PUM1: variants seen among roughly 807,000 people sequenced by gnomAD.
PUM1 encodes pumilio RNA binding family member 1.
Under a neutral mutation model 131.8 loss-of-function variants are expected in PUM1, and 13 were observed. The observed-to-expected ratio is 0.10, with a 90% confidence interval of 0.06 to 0.16. PUM1 has a LOEUF of 0.16. PUM1 is among the 10% of genes least tolerant of loss of function. The pLI is 1.00. For missense variants in PUM1, 961 were observed against 1,512.4 expected, an observed-to-expected ratio of 0.64 and a Z score of 6.05; for synonymous variants, 509 against 556.5, an observed-to-expected ratio of 0.91 and a Z score of 1.20.
At chr1:30,952,401 A>C (rs764289096) in intron 15 of PUM1, 38 bp from the exon 16 acceptor site, 1 of 1,613,084 alleles carries the variant, frequency 6.2e-7, no homozygotes, top group South Asian at 1.1e-5. Context: ...ACAGCACTGA[A>C]GGAAGACCTG....
chr1:31,058,752 C>G (rs1644306805), intron 2 of PUM1, among the ~76,000 whole-genome samples: 1 of 151,824 alleles, frequency 6.6e-6, no homozygotes, highest in African/African-American at 2.4e-5. Context: ...GGGCAGATCA[C>G]TTGAGGTCAG....
chr1:30,955,209 A>C (rs1640104958), intron 14 of PUM1, among the ~76,000 whole-genome samples: 1 of 151,600 alleles, frequency 6.6e-6, no homozygotes, highest in South Asian at 2.1e-4. Flanking sequence ...TAATCCTGAC[A>C]CTTTGGGAGG....
At chr1:31,056,754 G>A (rs932043152) in intron 2 of PUM1, among the ~76,000 whole-genome samples, 8 of 149,492 alleles carry the variant, frequency 5.4e-5, no homozygotes, top group African/African-American at 2.0e-4. Context: ...AGGCTCCCAA[G>A]CAGCTGGAAA....
intron 3 of PUM1, among the ~76,000 whole-genome samples, chr1:31,015,118 A>ATTC (rs1310493384): frequency 7.2e-5 from 11 of 152,204 alleles, no homozygotes; most frequent in African/African-American, 2.7e-4. Flanking sequence ...CTCCTCATGC[A>ATTC]TTCTTCCCTT....
At chr1:31,040,429 G>A (rs1399872109) in intron 2 of PUM1, among the ~76,000 whole-genome samples, 2 of 152,188 alleles carry the variant, frequency 1.3e-5, no homozygotes, top group Non-Finnish European at 2.9e-5. Flanking sequence ...CTTGAAAGAT[G>A]AGGAAAAGGC....
Position 30,955,501 on chromosome 1 carries a change from A to C in PUM1, c.2324-1520T>G, listed in dbSNP as rs113344501. ...AAACCAAACCAAAACAAAACAAAAC[A>C]AAAAACAGTTCTTATTTTATTTCAT... On this transcript the variant is annotated intron_variant, in intron 14 of 21. Transcript: ENST00000426105. Among the ~76,000 whole-genome samples the C allele has an allele frequency of 2.5e-3, 382 of 151,978 alleles. 1 individual carries two copies. The highest frequency in any genetic ancestry group is 3.1e-3 in the Non-Finnish European group (213 of 67,986).
rs548664516 is a variant in PUM1 at position 31,065,713 on chromosome 1, C to T, written c.-109G>A. 8 of 1,548,676 alleles carry T rather than the reference C, an allele frequency of 5.2e-6. No individual in the cohort carries two copies. In the Admixed American group the frequency reaches 7.9e-5, roughly 15 times the overall value. On this transcript the variant is annotated 5_prime_UTR_variant, in exon 1 of 22. Coordinates refer to ENST00000426105, the MANE Select transcript of PUM1 (RefSeq NM_001020658.2). The stretch of plus-strand genomic sequence containing the variant: ...CCTTTCACTCCGACAACATGGCGGC[C>T]CACTGGGGACTGGGTTGGCGCGGTG...
At position 31,055,542 on chromosome 1, in the gene PUM1, C is replaced by T. The variant is rs551358613; in HGVS notation, c.363+3662G>A. 5.9e-5 allele frequency among the ~76,000 whole-genome samples: 9 copies of T among 152,282 alleles called. No homozygotes were observed. In the East Asian group the frequency reaches 1.3e-3, roughly 23 times the overall value. On this transcript the variant is annotated intron_variant, in intron 2 of 21. Coordinates refer to ENST00000426105, the MANE Select transcript of PUM1 (RefSeq NM_001020658.2). The stretch of plus-strand genomic sequence containing the variant: ...ATACCAACTACCCTGAGTTCCCCAA[C>T]GTTGTTCATTATTTCATGCGTCCAG...
intron 3 of PUM1, among the ~76,000 whole-genome samples, chr1:31,012,053 A>G (rs1165260968): frequency 6.6e-6 from 1 of 152,192 alleles, no homozygotes; most frequent in Non-Finnish European, 1.5e-5. Flanking sequence ...GTTAGATAGT[A>G]GCTTAATTAC....
chr1:30,976,865 C>T (rs1256059282), intron 9 of PUM1, among the ~76,000 whole-genome samples: 2 of 150,818 alleles, frequency 1.3e-5, no homozygotes, highest in Non-Finnish European at 2.9e-5. Context: ...GAGCCTCATA[C>T]TCATTTGATT....
intron 3 of PUM1, among the ~76,000 whole-genome samples, chr1:31,022,052 G>T (rs1017155305): frequency 1.4e-5 from 2 of 146,306 alleles, no homozygotes; most frequent in Admixed American, 6.9e-5. Context: ...TCAATATTTT[G>T]TAGCTATTAT....
chr1:30,964,712 G>A lies in PUM1; in HGVS notation c.2285C>T (p.Ser762Phe). 6.3e-7 allele frequency: 1 copy of A among 1,597,118 alleles called. No homozygotes were observed. The highest frequency in any genetic ancestry group is 8.6e-7 in the Non-Finnish European group (1 of 1,164,660). The change falls in exon 14 of 22, where the codon TCC becomes TTC. Residue 762 changes from serine (S) to phenylalanine (F), a missense_variant. By Grantham distance (155) the Ser-to-Phe change is radical. Around this residue, in one of 4 missense-constraint regions of PUM1, gnomAD observed 117 missense variants for 200.7 expected, o/e 0.58. Coordinates refer to ENST00000426105, the MANE Select transcript of PUM1 (RefSeq NM_001020658.2). ...TGAAGAGGATCCATGTGAAGAGAGGGAAGGAGGTGGTGTCTGTGAATGTCC... is the reference window on the plus strand; with the variant it reads ...TGAAGAGGATCCATGTGAAGAGAGGAAAGGAGGTGGTGTCTGTGAATGTCC... The part of the protein sequence containing the change: ...GPGHSQTPPP[S>F]LSSHGSSSSL...
intron 2 of PUM1, among the ~76,000 whole-genome samples, chr1:31,050,572 TC>T (rs1197791805): frequency 1.3e-5 from 2 of 152,206 alleles, no homozygotes; most frequent in Non-Finnish European, 2.9e-5. Context: ...ATGAAAAGGC[TC>T]TAAGAGTACA....
chr1:30,961,446 C>T (rs1299457807), intron 14 of PUM1, among the ~76,000 whole-genome samples: 1 of 151,834 alleles, frequency 6.6e-6, no homozygotes, highest in South Asian at 2.1e-4. Context: ...ATCCTTTGAG[C>T]CCAGGAGTTT....
rs773718125 is a variant in PUM1, at chr1:31,049,823, C to CTTTT, written c.363+9377_363+9380dup. On this transcript the variant is annotated intron_variant, in intron 2 of 21. Coordinates refer to ENST00000426105, the MANE Select transcript of PUM1 (RefSeq NM_001020658.2). ...AGAGAAGAGCATCTGACTGAACTTC[C>CTTTT]TTTTTTTTTTTTTTTTTTTTTTTTG... Among the ~76,000 whole-genome samples the CTTTT allele has an allele frequency of 1.2e-3, 95 of 80,004 alleles. 3 individuals are homozygous for CTTTT. The highest frequency in any genetic ancestry group is 1.4e-3 in the African/African-American group (27 of 19,626). 52.5% of individuals were successfully genotyped at this position (80,004 alleles called of 152,430 possible).
chr1:30,949,645 T>A (rs910183080), intron 17 of PUM1, among the ~76,000 whole-genome samples: 6 of 152,048 alleles, frequency 3.9e-5, no homozygotes, highest in African/African-American at 1.5e-4. Flanking sequence ...GTGTTAGTCA[T>A]CTCTGTGCTG....
intron 18 of PUM1, 42 bp downstream of exon 18, chr1:30,945,304 G>A (rs1251842911): frequency 1.9e-6 from 3 of 1,604,718 alleles, no homozygotes; most frequent in Non-Finnish European, 2.6e-6. Flanking sequence ...GCTCACAAAG[G>A]AAATAAATTT....
chr1:30,991,943 T>C (rs1180766138), intron 7 of PUM1, among the ~76,000 whole-genome samples: 2 of 152,246 alleles, frequency 1.3e-5, no homozygotes, highest in African/African-American at 4.8e-5. Context: ...CTATGCTATC[T>C]GGAGTAACTT....
At chr1:30,973,529 A>C (rs1311225017) in intron 10 of PUM1, among the ~76,000 whole-genome samples, 1 of 152,232 alleles carries the variant, frequency 6.6e-6, no homozygotes, top group African/African-American at 2.4e-5. Context: ...GAAATATCAA[A>C]TATAATAGAC....
Sources: allele counts gnomAD v4.1 joint callset (sites outside exome capture counted in the v4.1 genomes callset), GRCh38; gene constraint gnomAD v4.1.1; regional missense constraint gnomAD v4.1.1; transcripts MANE v1.5; gene names NCBI Gene and HGNC (gene_info 2026-07-23, HGNC 2026-07-21).